Variants in STOML1 observed in about 807,000 individuals in gnomAD.
STOML1 encodes stomatin like 1.
A neutral mutation model predicts 35.7 loss-of-function variants in STOML1; 27 were observed. The ratio of observed to expected loss-of-function variants is 0.76; its 90% CI spans 0.56 to 1.04. The LOEUF is 1.04. Among genes scored for constraint, STOML1 ranks in the 50% least tolerant of loss-of-function variants. The pLI, the probability that STOML1 is intolerant of heterozygous loss-of-function variation, is 0.00. For synonymous variants in STOML1, 219 were observed against 227.9 expected, an observed-to-expected ratio of 0.96 and a Z score of 0.35; for missense variants, 451 against 527.1, an observed-to-expected ratio of 0.86 and a Z score of 1.41.
At chr15:73,992,898 G>A (rs1429339792), upstream of STOML1, among the ~76,000 whole-genome samples, 1 of 152,174 alleles carries the variant, frequency 6.6e-6, no homozygotes, top group African/African-American at 2.4e-5. Context: ...GGCAGGACAT[G>A]CCATATCTGG....
intron 2 of STOML1, 73 bp downstream of exon 2, chr15:73,990,278 G>A: frequency 7.3e-7 from 1 of 1,371,912 alleles, no homozygotes; most frequent in Non-Finnish European, 1.0e-6. Context: ...CAGAGGATAG[G>A]CAAATTTATT....
rs1452922613 is a variant in STOML1 at position 73,989,137 on chromosome 15, T to C, written c.361A>G (p.Thr121Ala). ...IDSFQRVDLRTRAFNVPPCKL... is the reference protein window; with the variant it reads ...IDSFQRVDLRARAFNVPPCKL... The stretch of plus-strand genomic sequence containing the variant: ...CAGGGAGGGACGTTGAAGGCTCGTG[T>C]CCTCAGATCCACCCTCTGAAAGGAG... The change falls in exon 3 of 7, where the codon ACA becomes GCA. Residue 121 changes from threonine (T) to alanine (A), a missense_variant. Transcript: ENST00000541638. 6.2e-7 allele frequency: 1 copy of C among 1,608,084 alleles called. No homozygotes were observed. Among genetic ancestry groups the C allele is most frequent in the East Asian group, 2.2e-5 (1 of 44,752 alleles).
upstream of STOML1, chr15:73,992,468 G>A (rs886137664): frequency 2.9e-5 from 10 of 347,956 alleles, no homozygotes; most frequent in Admixed American, 4.0e-4. Context: ...CTCGGACCCC[G>A]CTGGGGTCAT....
At position 73,992,250 on chromosome 15, in the gene STOML1, G is replaced by T; in HGVS notation, c.-27C>A. On this transcript the variant is annotated 5_prime_UTR_variant, in exon 1 of 7. Transcript: ENST00000541638. Reference sequence around the variant, plus strand: ...GCTTTTGACAGGAGACACGCCCCGCGCCTCCGCGCGGCGCCCTCCCTGGCC... The same window carrying T: ...GCTTTTGACAGGAGACACGCCCCGCTCCTCCGCGCGGCGCCCTCCCTGGCC... 5.7e-6 allele frequency: 9 copies of T among 1,578,178 alleles called. No homozygotes were observed. Among genetic ancestry groups the T allele is most frequent in the Non-Finnish European group, 7.7e-6 (9 of 1,166,388 alleles).
intron 6 of STOML1, among the ~76,000 whole-genome samples, chr15:73,984,434 C>T (rs1254816516): frequency 2.0e-5 from 3 of 152,348 alleles, no homozygotes; most frequent in East Asian, 3.9e-4. Context: ...GCCTGTAACA[C>T]GGGCAGGCCT....
In STOML1 at chr15:73,988,873, C is replaced by T. The variant is rs1261788651; in HGVS notation, c.391-71G>A. 6.4e-7 allele frequency: 1 copy of T among 1,555,628 alleles called. No homozygotes were observed. Among genetic ancestry groups the T allele is most frequent in the Non-Finnish European group, 8.7e-7 (1 of 1,146,426 alleles). ...TGCAGGGAGGTCAGGCCCACTGGGG[C>T]CACCCAGCTTGAACCACCTGCTTGG... On this transcript the variant is annotated intron_variant, in intron 3 of 6. Transcript: ENST00000541638. This position sits in a 1 kb window ranked among gnomAD's most constrained non-coding sequence, Gnocchi z 4.8.
chr15:73,991,153 A>C, intron 1 of STOML1: 1 of 362,530 alleles, frequency 2.8e-6, no homozygotes, highest in Non-Finnish European at 3.8e-6. Context: ...AAAAACAAAA[A>C]AAAACCCTGC....
upstream of STOML1, among the ~76,000 whole-genome samples, chr15:73,992,875 C>T (rs996872137): frequency 6.6e-6 from 1 of 152,208 alleles, no homozygotes; most frequent in African/African-American, 2.4e-5. Flanking sequence ...AGCACTCCTT[C>T]TCTCACACTG....
Position 73,983,733 on chromosome 15 carries a change from C to CGGA in STOML1, c.*203_*204insTCC. 1.8e-6 allele frequency: 1 copy of CGGA among 559,458 alleles called. No homozygotes were observed. 34.7% of individuals were successfully genotyped at this position (559,458 alleles called of 1,614,324 possible). ...AGCTGGGGACCGGGATGGACAAAGC[C>CGGA]TTGTCCAGAGAACCACTGTAGGGGA... On this transcript the variant is annotated 3_prime_UTR_variant, in exon 7 of 7. Transcript: ENST00000541638.
chr15:73,985,895 T>C (rs2069083980), intron 4 of STOML1: 1 of 219,846 alleles, frequency 4.5e-6, no homozygotes, highest in South Asian at 6.4e-5. Context: ...TGGAGACAGC[T>C]GAGGGGTCAG....
At chr15:73,994,325 C>T (rs1309004490), upstream of STOML1, among the ~76,000 whole-genome samples, 1 of 152,222 alleles carries the variant, frequency 6.6e-6, no homozygotes, top group Non-Finnish European at 1.5e-5. Context: ...ACTGCTTTTG[C>T]AGGTCCCAGC....
At chr15:73,990,960 C>A in intron 1 of STOML1, 1 of 1,460,246 alleles carries the variant, frequency 6.8e-7, no homozygotes, top group Non-Finnish European at 9.0e-7. Flanking sequence ...AGGGATAAAT[C>A]ATAAATAGCT....
At position 73,992,175 on chromosome 15, in the gene STOML1, G is replaced by T; in HGVS notation, c.49C>A (p.Arg17Ser). Residue 17 changes from arginine to serine, a missense_variant, in exon 1 of 7, where the codon CGC (arginine) becomes AGC (serine). Transcript: ENST00000541638. Reference sequence around the variant, plus strand: ...AAGCCGAAGCTCGACTGCTGGAAGCGGTCAAAATCACCCAGGGGCAGCGCC... The same window carrying T: ...AAGCCGAAGCTCGACTGCTGGAAGCTGTCAAAATCACCCAGGGGCAGCGCC... ...YRALPLGDFD[R>S]FQQSSFGFLG... 1 of 1,608,442 alleles carries T rather than the reference G, an allele frequency of 6.2e-7. No individual in the cohort carries two copies. Among genetic ancestry groups the T allele is most frequent in the Non-Finnish European group, 8.5e-7 (1 of 1,178,034 alleles).
rs997900371 is a variant in STOML1 at position 73,983,295 on chromosome 15, T to G, written c.*642A>C. On this transcript the variant is annotated 3_prime_UTR_variant, in exon 7 of 7. Transcript: ENST00000541638. ...GAAGCACAGAACGCAGGGCTCTCCT[T>G]CATGCTGCCCTGGGCCCCAGCTCGC... 3.9e-5 allele frequency: 6 copies of G among 152,326 alleles called. No homozygotes were observed. The highest frequency in any genetic ancestry group is 1.4e-4 in the African/African-American group (6 of 41,460). The allele number at this position is 152,326 out of a possible 1,614,324, so 9.4% of individuals were successfully genotyped here.
chr15:73,984,947 G>T, intron 5 of STOML1, 76 bp from the exon 6 acceptor site: 1 of 1,536,002 alleles, frequency 6.5e-7, no homozygotes, highest in Non-Finnish European at 8.9e-7. Flanking sequence ...ACCACTCACT[G>T]TGGCCTCTGC....
rs778503185 is a variant in STOML1 at position 73,985,474 on chromosome 15, C to T, written c.634G>A (p.Val212Ile). 3.2e-6 allele frequency: 5 copies of T among 1,540,710 alleles called. No homozygotes were observed. The South Asian group carries it at 6.1e-5, about 19-fold the overall frequency. ...TCCACTGCCAGCTCCACGCGGTCTACCTCCAGCCCCCAGGCCCTGGTCACA... is the reference window on the plus strand; with the variant it reads ...TCCACTGCCAGCTCCACGCGGTCTATCTCCAGCCCCCAGGCCCTGGTCACA... ...NDVTRAWGLE[V>I]DRVELAVEAV... The change falls in exon 5 of 7, where the codon GTA becomes ATA. Residue 212 changes from valine (V) to isoleucine (I), a missense_variant. Val to Ile is a conservative substitution (Grantham distance 29). Transcript: ENST00000541638.
At chr15:73,987,002 A>C (rs913559128) in intron 4 of STOML1, 1 of 154,188 alleles carries the variant, frequency 6.5e-6, no homozygotes, top group African/African-American at 2.4e-5. Context: ...GGGAGGCAGA[A>C]GGGCAAGGAG....
intron 1 of STOML1, chr15:73,990,802 T>C: frequency 6.5e-7 from 1 of 1,535,560 alleles, no homozygotes; most frequent in Non-Finnish European, 8.7e-7. Context: ...TAATTTATAT[T>C]GCCTACCCAT....
rs137978751 is a variant in STOML1 at position 73,989,238 on chromosome 15, C to T, written c.260G>A (p.Arg87Gln). Residue 87 changes from arginine to glutamine, a missense_variant, in exon 3 of 7, where the codon CGG becomes CAG. By Grantham distance (43) the Arg-to-Gln change is conservative. Coordinates refer to ENST00000541638, the MANE Select transcript of STOML1 (RefSeq NM_004809.5). ...CCGGCCCAGGCGGAACACAATCATC[C>T]GCTCGTAGGTGGGCACAATCTGTCC... The part of the protein sequence containing the change: ...FALKIVPTYE[R>Q]MIVFRLGRIR... The T allele has an allele frequency of 7.4e-5, 119 of 1,602,992 alleles. No individual in the cohort carries two copies. In the Middle Eastern group the frequency reaches 1.2e-3, roughly 16 times the overall value.
Sources: allele counts gnomAD v4.1 joint callset (sites outside exome capture counted in the v4.1 genomes callset), GRCh38; gene constraint gnomAD v4.1.1; non-coding constraint Gnocchi (gnomAD v3.1); transcripts MANE v1.5; gene names NCBI Gene and HGNC (gene_info 2026-07-23, HGNC 2026-07-21).